The following CHN2 variants were observed in gnomAD, a reference collection of about 807,000 sequenced individuals.
CHN2 encodes chimerin 2.
A neutral mutation model predicts 56.3 loss-of-function variants in CHN2; 35 were observed. The observed-to-expected ratio is 0.62, with a 90% CI of 0.47 to 0.82. The LOEUF (loss-of-function observed/expected upper bound fraction) is 0.82. CHN2 is among the 40% of genes least tolerant of loss of function. The probability of loss-of-function intolerance (pLI) is 0.00; values close to 1 mark genes in which losing one functional copy is unlikely to be tolerated. For missense variants in CHN2, 491 were observed against 580.5 expected (o/e 0.85, Z 1.58); for synonymous variants, 210 against 212.8 (o/e 0.99, Z 0.12).
chr7:29,271,491 C>T (rs935896885), intron 1 of CHN2, among the ~76,000 whole-genome samples: 16 of 152,300 alleles, frequency 1.1e-4, no homozygotes, highest in Non-Finnish European at 1.9e-4. Flanking sequence ...TGGCTGGGTG[C>T]CTCCTAAGAG....
At position 29,513,866 on chromosome 7, in the gene CHN2, A is replaced by G. The variant is rs1020507994; in HGVS notation, c.*1131A>G. The G allele has an allele frequency of 2.6e-5, 4 of 152,634 alleles. No individual in the cohort carries two copies. Among genetic ancestry groups the G allele is most frequent in the Admixed American group, 2.0e-4 (3 of 15,278 alleles). The allele number at this position is 152,634 out of a possible 1,614,324, so 9.5% of individuals were successfully genotyped here. ...TTACTACAGTTCCAGTCACTTGGTTATATTTATCTTAGCATGAGCCTTTCA... is the reference window on the plus strand; with the variant it reads ...TTACTACAGTTCCAGTCACTTGGTTGTATTTATCTTAGCATGAGCCTTTCA... On this transcript the variant is annotated 3_prime_UTR_variant, in exon 13 of 13. Transcript: ENST00000222792.
intron 1 of CHN2, among the ~76,000 whole-genome samples, chr7:29,293,187 T>C (rs1042212786): frequency 1.3e-5 from 2 of 152,208 alleles, no homozygotes; most frequent in African/African-American, 4.8e-5. Flanking sequence ...TCCCTGCTGC[T>C]GCCTAAGGGC....
At chr7:29,484,524 C>A (rs371312162) in intron 7 of CHN2, among the ~76,000 whole-genome samples, 2 of 152,210 alleles carry the variant, frequency 1.3e-5, no homozygotes, top group Non-Finnish European at 2.9e-5. Context: ...AGACACACCA[C>A]TCCAATCTCT....
At chr7:29,407,201 G>A (rs2128092836) in intron 6 of CHN2, among the ~76,000 whole-genome samples, 2 of 152,198 alleles carry the variant, frequency 1.3e-5, no homozygotes, top group East Asian at 3.9e-4. Context: ...CGGCTCAATA[G>A]CTTAGAAAGT....
At chr7:29,294,887 C>G (rs1462484141) in intron 1 of CHN2, among the ~76,000 whole-genome samples, 3 of 152,138 alleles carry the variant, frequency 2.0e-5, no homozygotes, top group African/African-American at 7.2e-5. Flanking sequence ...GAAGCCTTCC[C>G]AGACCCTTGC....
intron 7 of CHN2, among the ~76,000 whole-genome samples, chr7:29,491,770 T>G (rs1302446080): frequency 6.6e-6 from 1 of 152,206 alleles, no homozygotes; most frequent in South Asian, 2.1e-4. Context: ...ATTTAATACA[T>G]GCATAATTGA....
At chr7:29,511,279 C>CTGAT (rs991876887) in intron 12 of CHN2, among the ~76,000 whole-genome samples, 4 of 146,812 alleles carry the variant, frequency 2.7e-5, no homozygotes, top group African/African-American at 1.0e-4. Context: ...TATTCCCATT[C>CTGAT]TGATTAATTT....
At chr7:29,283,565 G>A (rs200336492) in intron 1 of CHN2, among the ~76,000 whole-genome samples, 5 of 152,142 alleles carry the variant, frequency 3.3e-5, no homozygotes, top group East Asian at 1.9e-4. Context: ...AAAGGGAGAC[G>A]TCCGGGATGG....
intron 4 of CHN2, 123 bp from the exon 5 acceptor site, chr7:29,398,250 C>T (rs60864303): frequency 5.9e-6 from 4 of 681,280 alleles, no homozygotes; most frequent in Admixed American, 2.1e-5. Context: ...AGTCACCCCC[C>T]TTCTTCACTC....
intron 1 of CHN2, chr7:29,212,357 T>G (rs1785019848): frequency 6.5e-7 from 1 of 1,545,310 alleles, no homozygotes; most frequent in African/African-American, 1.4e-5. Context: ...CATCCGACTG[T>G]AAAGAATCTT....
chr7:29,184,423 A>C (rs1484798502), intron 2 of CHN2: 1 of 152,114 alleles, frequency 6.6e-6, no homozygotes. Context: ...TGGCTCACTG[A>C]TTACGGAGTG....
intron 1 of CHN2, among the ~76,000 whole-genome samples, chr7:29,293,688 C>A (rs544886413): frequency 2.0e-5 from 3 of 152,236 alleles, no homozygotes; most frequent in African/African-American, 7.2e-5. Context: ...GCATGGCTCT[C>A]CGTCCCTCTG....
intron 1 of CHN2, among the ~76,000 whole-genome samples, chr7:29,243,236 T>C (rs1359666812): frequency 6.6e-6 from 1 of 152,214 alleles, no homozygotes; most frequent in Admixed American, 6.5e-5. Flanking sequence ...AGCAATCTTT[T>C]ACAAATATGT....
rs188619291 is a variant in CHN2 at position 29,233,426 on chromosome 7, G to C, written c.49+38436G>C. On this transcript the variant is annotated intron_variant, in intron 1 of 12. Coordinates refer to ENST00000222792, the MANE Select transcript of CHN2 (RefSeq NM_004067.4). The stretch of plus-strand genomic sequence containing the variant: ...ATACTAGAAGTGGGTGCTCAAAACA[G>C]GTGTGAAGTAACAGTGGTAGGTAGA... Among the ~76,000 whole-genome samples the C allele has an allele frequency of 1.2e-3, 188 of 152,290 alleles. 1 individual carries two copies. Among genetic ancestry groups the C allele is most frequent in the African/African-American group, 4.4e-3 (181 of 41,564 alleles).
intron 6 of CHN2, among the ~76,000 whole-genome samples, chr7:29,424,245 C>T (rs1804625949): frequency 6.6e-6 from 1 of 152,158 alleles, no homozygotes; most frequent in African/African-American, 2.4e-5. Flanking sequence ...TCCCACATTG[C>T]TTTAACATAT....
chr7:29,391,198 A>G (rs1562569856), intron 3 of CHN2, among the ~76,000 whole-genome samples: 1 of 152,134 alleles, frequency 6.6e-6, no homozygotes, highest in African/African-American at 2.4e-5. Flanking sequence ...CAGATGGCCA[A>G]CCACATCCTC....
rs117528191 is a variant in CHN2, at chr7:29,227,856, A to G, written c.49+32866A>G. On this transcript the variant is annotated intron_variant, in intron 1 of 12. Coordinates refer to ENST00000222792, the MANE Select transcript of CHN2 (RefSeq NM_004067.4). ...GGAATAGAAACAACCCAAGTGATAC[A>G]CACCAAGTATCTGTAGTCCAAGTTC... Among the ~76,000 whole-genome samples, 80 of 152,250 alleles carry G rather than the reference A, an allele frequency of 5.3e-4. No individual in the cohort carries two copies. In the East Asian group the frequency reaches 0.012, roughly 24 times the overall value.
In CHN2 at chr7:29,452,448, C is replaced by A. The variant is rs550342822; in HGVS notation, c.577-27831C>A. The stretch of plus-strand genomic sequence containing the variant: ...TGCAGCTCACTTTCCTCACCCAAGT[C>A]TCATCCTGTAGTACACCTGCAGTAT... On this transcript the variant is annotated intron_variant, in intron 6 of 12. Transcript: ENST00000222792. Among the ~76,000 whole-genome samples, 10 of 152,344 alleles carry A rather than the reference C, an allele frequency of 6.6e-5. No individual in the cohort carries two copies. In the South Asian group the frequency reaches 1.2e-3, roughly 19 times the overall value.
intron 6 of CHN2, among the ~76,000 whole-genome samples, chr7:29,450,652 A>G (rs1324710393): frequency 6.6e-6 from 1 of 152,248 alleles, no homozygotes; most frequent in Non-Finnish European, 1.5e-5. Context: ...TGGCCTCCAG[A>G]ACTGTATGAG....
Sources: gnomAD v4.1 joint callset for allele counts (sites outside exome capture counted in the v4.1 genomes callset) on GRCh38, gnomAD v4.1.1 for gene constraint, MANE v1.5 for transcripts, NCBI Gene and HGNC (gene_info 2026-07-23, HGNC 2026-07-21) for gene names.